ZNF57: variants seen among roughly 807,000 people sequenced by gnomAD.
The protein encoded by ZNF57 is zinc finger protein 57.
In ZNF57, 11 loss-of-function variants were observed where a neutral mutation model predicts 13.4. The ratio of observed to expected loss-of-function variants is 0.82; its 90% CI spans 0.52 to 1.36. The LOEUF is 1.36. ZNF57 is among the 40% of genes most tolerant of loss of function. The pLI, the probability that ZNF57 is intolerant of heterozygous loss-of-function variation, is 0.00. For missense variants in ZNF57, 696 were observed against 667.5 expected (o/e 1.04, Z -0.47); for synonymous variants, 224 against 238.5 (o/e 0.94, Z 0.56).
At chr19:2,909,281 G>GTGTT (rs2088109322) in intron 1 of ZNF57, among the ~76,000 whole-genome samples, 1 of 107,166 alleles carries the variant, frequency 9.3e-6, no homozygotes, top group Non-Finnish European at 1.8e-5. Flanking sequence ...ATTTATTTTT[G>GTGTT]TTTTTTTTTT....
intron 1 of ZNF57, among the ~76,000 whole-genome samples, chr19:2,909,262 T>A (rs916533782): frequency 1.7e-4 from 24 of 145,178 alleles, no homozygotes; most frequent in Non-Finnish European, 4.5e-5. Context: ...TTATAATAGA[T>A]TTTATTTTAT....
chr19:2,908,825 C>T (rs2088102210), intron 1 of ZNF57, among the ~76,000 whole-genome samples: 1 of 152,128 alleles, frequency 6.6e-6, no homozygotes, highest in South Asian at 2.1e-4. Context: ...CCCGGAGCCC[C>T]TCCACCACCC....
chr19:2,903,372 C>T (rs1208584399), intron 1 of ZNF57, among the ~76,000 whole-genome samples: 9 of 152,150 alleles, frequency 5.9e-5, no homozygotes, highest in African/African-American at 1.9e-4. Flanking sequence ...CCACCACGAC[C>T]GGCTAATTTT....
chr19:2,901,900 A>T (rs2088033506), intron 1 of ZNF57, among the ~76,000 whole-genome samples: 1 of 152,066 alleles, frequency 6.6e-6, no homozygotes. Flanking sequence ...TACAAAGTAC[A>T]TTCTCAAGGG....
chr19:2,907,320 T>C (rs2144922355), intron 1 of ZNF57, among the ~76,000 whole-genome samples: 1 of 152,146 alleles, frequency 6.6e-6, no homozygotes. Flanking sequence ...TTGAGTCTAG[T>C]GGGGTGCAGC....
At chr19:2,912,867 C>T (rs1040402990) in intron 1 of ZNF57, among the ~76,000 whole-genome samples, 23 of 152,216 alleles carry the variant, frequency 1.5e-4, no homozygotes, top group Admixed American at 1.4e-3. Context: ...GAAGTGGTAT[C>T]TCCTTTTTGT....
intron 1 of ZNF57, among the ~76,000 whole-genome samples, chr19:2,909,303 C>T (rs1172870433): frequency 2.4e-5 from 1 of 40,838 alleles, no homozygotes; most frequent in African/African-American, 6.6e-5. Flanking sequence ...TTTTTTGAGA[C>T]AGAGTCTCGC....
chr19:2,913,488 A>G (rs2088159331), intron 1 of ZNF57, among the ~76,000 whole-genome samples: 2 of 152,010 alleles, frequency 1.3e-5, no homozygotes, highest in Non-Finnish European at 1.5e-5. Flanking sequence ...GTTTTGGTAT[A>G]TTATGTCTTT....
intron 1 of ZNF57, chr19:2,907,304 G>A (rs1239631206): frequency 6.6e-6 from 1 of 152,106 alleles, no homozygotes; most frequent in Non-Finnish European, 1.5e-5. Flanking sequence ...ACAAAGTGGT[G>A]GGGACTTGAG....
rs150372606 is a variant in ZNF57 at position 2,917,529 on chromosome 19, C to T, written c.908C>T (p.Thr303Met). Reference protein sequence around the residue: ...QAFQRHEKTHTGEKPYECKQC... With the variant: ...QAFQRHEKTHMGEKPYECKQC... ...TTTCAAAGACATGAGAAGACGCACA[C>T]GGGAGAGAAGCCCTATGAATGCAAG... Residue 303 changes from threonine (T) to methionine (M), a missense_variant, in exon 4 of 4, where the codon ACG becomes ATG. Transcript: ENST00000306908. 66 of 1,613,742 alleles carry T rather than the reference C, an allele frequency of 4.1e-5. No individual in the cohort carries two copies. The highest frequency in any genetic ancestry group is 3.0e-4 in the Admixed American group (18 of 59,984).
In ZNF57 at chr19:2,916,819, C is replaced by G. The variant is rs781778220; in HGVS notation, c.303-105C>G. On this transcript the variant is annotated intron_variant, in intron 3 of 3. Transcript: ENST00000306908. ...AACAATTCAGAATAGAAAAACTTCACGTATACTGAAATGTAGTTAGACATT... is the reference window on the plus strand; with the variant it reads ...AACAATTCAGAATAGAAAAACTTCAGGTATACTGAAATGTAGTTAGACATT... The G allele has an allele frequency of 2.6e-5, 26 of 983,964 alleles. No homozygotes were observed. In the East Asian group the frequency reaches 4.4e-4, roughly 17 times the overall value. 61.0% of individuals were successfully genotyped at this position (983,964 alleles called of 1,614,324 possible).
chr19:2,903,439 T>C (rs1271698704), intron 1 of ZNF57, among the ~76,000 whole-genome samples: 2 of 152,106 alleles, frequency 1.3e-5, no homozygotes, highest in Admixed American at 1.3e-4. Context: ...CTCAAACTCC[T>C]GACCTTAAGT....
At position 2,910,211 on chromosome 19, in the gene ZNF57, A is replaced by C. The variant is rs2088118850; in HGVS notation, c.4-5311A>C. On this transcript the variant is annotated intron_variant, in intron 1 of 3. Coordinates refer to ENST00000306908, the MANE Select transcript of ZNF57 (RefSeq NM_173480.3). ...GATTTATACCTGTATGTTTTATTTT[A>C]GGGCAATGCTGATTTAATTCCAGTA... 4.1e-5 allele frequency among the ~76,000 whole-genome samples: 2 copies of C among 48,264 alleles called. 1 individual carries two copies. The highest frequency in any genetic ancestry group is 1.3e-3 in the South Asian group (2 of 1,518). The allele number at this position is 48,264 out of a possible 152,430, so 31.7% of individuals were successfully genotyped here. A position where few individuals can be genotyped will look rare whatever the true frequency, so the allele number is the denominator to read the frequency against.
chr19:2,901,141 C>G lies in ZNF57; in HGVS notation c.3+93C>G. The G allele has an allele frequency of 4.1e-6, 6 of 1,448,062 alleles. No homozygotes were observed. The South Asian group carries it at 6.8e-5, about 16-fold the overall frequency. The allele number at this position is 1,448,062 out of a possible 1,614,324, so 89.7% of individuals were successfully genotyped here. On this transcript the variant is annotated intron_variant, in intron 1 of 3. Transcript: ENST00000306908. Reference sequence around the variant, plus strand: ...CGCCGAAGTCTGCGGCCGGGATTGGCTGAGGGACGCGCGGGGCGGCGCAGG... The same window carrying G: ...CGCCGAAGTCTGCGGCCGGGATTGGGTGAGGGACGCGCGGGGCGGCGCAGG...
chr19:2,905,080 G>A (rs555364481), intron 1 of ZNF57, among the ~76,000 whole-genome samples: 7 of 152,262 alleles, frequency 4.6e-5, no homozygotes, highest in African/African-American at 1.7e-4. Flanking sequence ...CGCTTGCTCT[G>A]TCATATATTC....
chr19:2,914,967 C>T (rs949418187), intron 1 of ZNF57, among the ~76,000 whole-genome samples: 5 of 152,102 alleles, frequency 3.3e-5, no homozygotes, highest in South Asian at 2.1e-4. Context: ...ATACAGTTGC[C>T]TTTAAAATAA....
chr19:2,913,888 G>A (rs1188949622), intron 1 of ZNF57, among the ~76,000 whole-genome samples: 2 of 152,148 alleles, frequency 1.3e-5, no homozygotes, highest in Non-Finnish European at 2.9e-5. Context: ...CGATCCATCT[G>A]CCTTGATCTC....
Position 2,906,489 on chromosome 19 carries a change from A to G in ZNF57, c.3+5441A>G, listed in dbSNP as rs1011516863. On this transcript the variant is annotated intron_variant, in intron 1 of 3. Coordinates refer to ENST00000306908, the MANE Select transcript of ZNF57 (RefSeq NM_173480.3). ...GGGGCTCAGATCAAGTATTTTAGCA[A>G]TGTTGATTATTCTGTTGTCATTGTG... Among the ~76,000 whole-genome samples the G allele has an allele frequency of 2.6e-5, 4 of 152,346 alleles. No homozygotes were observed. In the East Asian group the frequency reaches 7.7e-4, roughly 29 times the overall value.
intron 1 of ZNF57, among the ~76,000 whole-genome samples, chr19:2,904,635 G>C (rs543417625): frequency 6.6e-6 from 1 of 152,190 alleles, no homozygotes; most frequent in South Asian, 2.1e-4. Flanking sequence ...TCCACCTCCC[G>C]GGTTCAAGCA....
Sources: allele counts gnomAD v4.1 joint callset (sites outside exome capture counted in the v4.1 genomes callset), GRCh38; gene constraint gnomAD v4.1.1; transcripts MANE v1.5; gene names NCBI Gene and HGNC (gene_info 2026-07-23, HGNC 2026-07-21).